Variants in FRMD4A observed in about 807,000 individuals in gnomAD.
FRMD4A encodes the protein FERM domain containing 4A, also known as FERM domain-containing protein 4A.
In FRMD4A, 29 loss-of-function variants were observed where a neutral mutation model predicts 129.1. The ratio of observed to expected loss-of-function variants is 0.22; its 90% confidence interval spans 0.17 to 0.31. The LOEUF is 0.31. Among genes scored for constraint, FRMD4A ranks in the 10% least tolerant of loss-of-function variants. The probability of loss-of-function intolerance (pLI) is 1.00; values close to 1 mark genes in which losing one functional copy is unlikely to be tolerated. For synonymous variants in FRMD4A, 634 were observed against 571.6 expected (o/e 1.11, Z -1.56); for missense variants, 1,272 against 1,375.8 (o/e 0.92, Z 1.19).
chr10:13,960,900 A>G (rs2095442310), intron 2 of FRMD4A, among the ~76,000 whole-genome samples: 1 of 152,222 alleles, frequency 6.6e-6, no homozygotes, highest in African/African-American at 2.4e-5. Flanking sequence ...GGCAGGGCAG[A>G]GTCACAAGAT....
chr10:13,888,103 A>G (rs1393392897), intron 2 of FRMD4A, among the ~76,000 whole-genome samples: 1 of 152,200 alleles, frequency 6.6e-6, no homozygotes, highest in Non-Finnish European at 1.5e-5. Flanking sequence ...AACTCTGGAG[A>G]TGAAATTTTC....
At chr10:13,895,799 A>G (rs542360333) in intron 2 of FRMD4A, among the ~76,000 whole-genome samples, 1 of 152,216 alleles carries the variant, frequency 6.6e-6, no homozygotes, top group Non-Finnish European at 1.5e-5. Flanking sequence ...CAGAATCTAC[A>G]AGGAACTTAA....
At chr10:13,957,770 T>C (rs1303926818) in intron 2 of FRMD4A, among the ~76,000 whole-genome samples, 1 of 152,102 alleles carries the variant, frequency 6.6e-6, no homozygotes, top group Non-Finnish European at 1.5e-5. Flanking sequence ...TTCCATTCCA[T>C]TTATTCTTTA....
At chr10:14,163,269 A>G (rs1424715137) in intron 2 of FRMD4A, among the ~76,000 whole-genome samples, 1 of 152,190 alleles carries the variant, frequency 6.6e-6, no homozygotes, top group Non-Finnish European at 1.5e-5. Context: ...CAGTTTCCCC[A>G]TTTATAAAAT....
intron 2 of FRMD4A, among the ~76,000 whole-genome samples, chr10:13,934,900 G>A (rs1006694339): frequency 6.6e-6 from 1 of 152,122 alleles, no homozygotes; most frequent in African/African-American, 2.4e-5. Context: ...GGGCTGGGAA[G>A]TCCAAGATCA....
At chr10:13,651,787 T>G (rs55673749) in intron 24 of FRMD4A, 116 bp downstream of exon 24, 12,262 of 684,380 alleles carry the variant, frequency 0.018, 436 homozygotes, top group African/African-American at 0.099. Context: ...TATCTAGAAA[T>G]AAGGCATAAA....
chr10:13,661,471 C>CGG, intron 19 of FRMD4A, among the ~76,000 whole-genome samples: 1 of 152,072 alleles, frequency 6.6e-6, no homozygotes, highest in African/African-American at 2.4e-5. Context: ...GGAGTAAGGG[C>CGG]AGAGCTCTGG....
chr10:13,883,217 C>T (rs928377024), intron 2 of FRMD4A, among the ~76,000 whole-genome samples: 2 of 151,932 alleles, frequency 1.3e-5, no homozygotes, highest in African/African-American at 2.4e-5. Flanking sequence ...CTGCCAGGTG[C>T]GTTGGCTCAC....
chr10:14,193,268 A>G (rs1351320079), intron 2 of FRMD4A, among the ~76,000 whole-genome samples: 2 of 152,168 alleles, frequency 1.3e-5, no homozygotes, highest in Non-Finnish European at 2.9e-5. Context: ...ACTGAGACTA[A>G]TGCACCAAGT....
chr10:13,845,246 C>T (rs1166354619), intron 3 of FRMD4A, among the ~76,000 whole-genome samples: 3 of 152,180 alleles, frequency 2.0e-5, no homozygotes, highest in Non-Finnish European at 4.4e-5. Flanking sequence ...TTCTGCCTGT[C>T]ATCCTATGAC....
rs563051667 is a variant in FRMD4A, at chr10:14,037,622, T to C, written c.46-178710A>G. Among the ~76,000 whole-genome samples the C allele has an allele frequency of 7.2e-5, 11 of 151,992 alleles. No homozygotes were observed. In the South Asian group the frequency reaches 2.3e-3, roughly 32 times the overall value. On this transcript the variant is annotated intron_variant, in intron 2 of 24. Coordinates refer to ENST00000357447, the MANE Select transcript of FRMD4A (RefSeq NM_018027.5). ...TCAATGTATCTCTAAGGTAGACTTCTAGGAGTAGAATTGTTGGCTCAAAAG... is the reference window on the plus strand; with the variant it reads ...TCAATGTATCTCTAAGGTAGACTTCCAGGAGTAGAATTGTTGGCTCAAAAG...
chr10:14,215,186 T>A (rs1843038814), intron 2 of FRMD4A, among the ~76,000 whole-genome samples: 1 of 152,196 alleles, frequency 6.6e-6, no homozygotes, highest in Non-Finnish European at 1.5e-5. Context: ...GAAAAAGCCG[T>A]GGAAAATAAA....
intron 2 of FRMD4A, among the ~76,000 whole-genome samples, chr10:14,138,749 C>T (rs967395530): frequency 6.7e-6 from 1 of 149,572 alleles, no homozygotes; most frequent in Non-Finnish European, 1.5e-5. Flanking sequence ...GACAGACAGA[C>T]TCCATCTAAA....
rs1361667688 is a variant in FRMD4A at position 13,833,700 on chromosome 10, A to G, written c.112-22792T>C. ...TTCTAACAGAGAAAGCCCTTAGAACAATGCCTAGCATCTCGTAAGTCTTTA... is the reference window on the plus strand; with the variant it reads ...TTCTAACAGAGAAAGCCCTTAGAACGATGCCTAGCATCTCGTAAGTCTTTA... On this transcript the variant is annotated intron_variant, in intron 3 of 24. Coordinates refer to ENST00000357447, the MANE Select transcript of FRMD4A (RefSeq NM_018027.5). Among the ~76,000 whole-genome samples, 4 of 152,148 alleles carry G rather than the reference A, an allele frequency of 2.6e-5. 1 individual carries two copies. The Middle Eastern group carries it at 0.01, about 391-fold the overall frequency.
intron 2 of FRMD4A, among the ~76,000 whole-genome samples, chr10:13,886,992 A>G (rs977186633): frequency 6.6e-6 from 1 of 152,220 alleles, no homozygotes; most frequent in African/African-American, 2.4e-5. Flanking sequence ...GTATGGATGT[A>G]CCAATGCTCC....
chr10:13,904,035 T>C (rs907310309), intron 2 of FRMD4A, among the ~76,000 whole-genome samples: 12 of 152,336 alleles, frequency 7.9e-5, no homozygotes, highest in African/African-American at 2.9e-4. Context: ...GCTCCACTTC[T>C]GAAATATCTA....
chr10:13,945,403 C>T (rs1040815157), intron 2 of FRMD4A, among the ~76,000 whole-genome samples: 3 of 152,012 alleles, frequency 2.0e-5, no homozygotes, highest in African/African-American at 7.2e-5. Flanking sequence ...CTATGACAGA[C>T]CGGGGAAAGG....
At chr10:14,232,995 T>A (rs1018768643) in intron 2 of FRMD4A, among the ~76,000 whole-genome samples, 5 of 152,272 alleles carry the variant, frequency 3.3e-5, no homozygotes, top group Middle Eastern at 3.4e-3. Context: ...GAAAAAAAAA[T>A]ACAGACTTTT....
At chr10:14,313,873 C>T (rs144575189) in intron 2 of FRMD4A, among the ~76,000 whole-genome samples, 6 of 152,238 alleles carry the variant, frequency 3.9e-5, no homozygotes, top group Admixed American at 6.5e-5. Flanking sequence ...GCAGCCATTA[C>T]TCTGTATATT....
Sources: allele counts gnomAD v4.1 joint callset (sites outside exome capture counted in the v4.1 genomes callset), GRCh38; gene constraint gnomAD v4.1.1; transcripts MANE v1.5; gene names NCBI Gene and HGNC (gene_info 2026-07-23, HGNC 2026-07-21).